Variants in VPS13B observed in about 807,000 individuals in gnomAD.
The protein encoded by VPS13B is intermembrane lipid transfer protein VPS13B.
Under a neutral mutation model 426.4 loss-of-function variants are expected in VPS13B, and 285 were observed. The ratio of observed to expected loss-of-function variants is 0.67; its 90% CI spans 0.61 to 0.74. The LOEUF is 0.74. Among genes scored for constraint, VPS13B ranks in the 30% least tolerant of loss-of-function variants. VPS13B has a pLI of 0.00. For synonymous variants in VPS13B, 1,676 were observed against 1,676.4 expected (o/e 1.00, Z 0.01); for missense variants, 4,537 against 4,782.6 (o/e 0.95, Z 1.51).
In VPS13B at chr8:99,388,442, C is replaced by T. The variant is rs9642959; in HGVS notation, c.2935-3115C>T. Among the ~76,000 whole-genome samples the T allele has an allele frequency of 7.2e-5, 11 of 151,736 alleles. No individual in the cohort carries two copies. The East Asian group carries it at 1.4e-3, about 19-fold the overall frequency. On this transcript the variant is annotated intron_variant, in intron 20 of 61. Transcript: ENST00000357162. ...ATTAATAATTAGTGAAAGATGGTTA[C>T]GTTTTATAGGATGCAGCTATGAAAA...
intron 5 of VPS13B, among the ~76,000 whole-genome samples, chr8:99,104,090 T>C (rs914107408): frequency 6.6e-6 from 1 of 152,206 alleles, no homozygotes; most frequent in African/African-American, 2.4e-5. Flanking sequence ...GCAAACATCA[T>C]AGAGTGTACT....
intron 33 of VPS13B, among the ~76,000 whole-genome samples, chr8:99,611,379 A>G (rs1311762437): frequency 6.6e-6 from 1 of 152,184 alleles, no homozygotes; most frequent in Admixed American, 6.6e-5. Flanking sequence ...ACATATTTAT[A>G]CTTTTGTACT....
At chr8:99,211,920 T>C (rs1815109283) in intron 17 of VPS13B, among the ~76,000 whole-genome samples, 1 of 151,808 alleles carries the variant, frequency 6.6e-6, no homozygotes, top group Non-Finnish European at 1.5e-5. Flanking sequence ...TGAGACAGAG[T>C]CTTACTCTGT....
chr8:99,096,455 A>C (rs1324332776), intron 4 of VPS13B, 23 bp downstream of exon 4: 12 of 1,613,524 alleles, frequency 7.4e-6, no homozygotes, highest in South Asian at 1.1e-5. Context: ...GGGATCAATA[A>C]AACCAAATTT....
intron 35 of VPS13B, chr8:99,696,986 G>C (rs746626514): frequency 3.3e-6 from 2 of 613,020 alleles, no homozygotes; most frequent in African/African-American, 3.7e-5. Context: ...TGCAGCCGGC[G>C]TGTGGGAAGT....
chr8:99,163,055 A>G (rs1180195483), intron 15 of VPS13B, among the ~76,000 whole-genome samples: 1 of 151,892 alleles, frequency 6.6e-6, no homozygotes, highest in Admixed American at 6.6e-5. Flanking sequence ...ACAGAGTGTC[A>G]ATTGGTGCAT....
chr8:99,101,425 C>A (rs779334859), intron 4 of VPS13B, among the ~76,000 whole-genome samples: 1 of 152,218 alleles, frequency 6.6e-6, no homozygotes, highest in Non-Finnish European at 1.5e-5. Flanking sequence ...AGCCACCGTG[C>A]TTGGCCCCAT....
rs1811873444 is a variant in VPS13B, at chr8:99,778,916, C to T, written c.7664C>T (p.Ser2555Phe). The stretch of plus-strand genomic sequence containing the variant: ...AGCATCTTCGGGCAGATGGCAGTTT[C>T]CAGCGATGTAGTGGAAAAGCTGCTT... The part of the protein sequence containing the change: ...PFSIFGQMAV[S>F]SDVVEKLLDC... The change falls in exon 42 of 62, where the codon TCC becomes TTC. Residue 2555 changes from serine to phenylalanine, a missense_variant. Around this residue, in one of 2 missense-constraint regions of VPS13B, gnomAD observed 4,311 missense variants for 4,474.3 expected, o/e 0.96. Coordinates refer to ENST00000357162, the MANE Select transcript of VPS13B (RefSeq NM_152564.5). The T allele has an allele frequency of 6.2e-7, 1 of 1,613,828 alleles. No homozygotes were observed. The highest frequency in any genetic ancestry group is 1.3e-5 in the African/African-American group (1 of 74,906).
At chr8:99,311,803 C>G (rs530464120) in intron 19 of VPS13B, among the ~76,000 whole-genome samples, 10 of 152,114 alleles carry the variant, frequency 6.6e-5, no homozygotes, top group Non-Finnish European at 1.3e-4. Context: ...GTGTGGGAGT[C>G]TAAGTCTCTT....
intron 29 of VPS13B, among the ~76,000 whole-genome samples, chr8:99,513,279 T>C (rs993243008): frequency 6.6e-6 from 1 of 152,124 alleles, no homozygotes; most frequent in African/African-American, 2.4e-5. Context: ...GAATATTTCC[T>C]GAAGTGTTTG....
chr8:99,823,895 A>C lies in VPS13B; in HGVS notation c.9247A>C (p.Lys3083Gln). ...TATACAAATTATTCAGATTGAAGAC[A>C]AGACTACAATAATCAATAATACACC... ...QGIQIIQIED[K>Q]TTIINNTPYQ... Residue 3083 changes from lysine to glutamine, a missense_variant, in exon 51 of 62, where the codon AAG becomes CAG. By Grantham distance (53) the Lys-to-Gln change is moderately conservative. Coordinates refer to ENST00000357162, the MANE Select transcript of VPS13B (RefSeq NM_152564.5). 6.2e-7 allele frequency: 1 copy of C among 1,613,418 alleles called. No individual in the cohort carries two copies. Among genetic ancestry groups the C allele is most frequent in the Admixed American group, 1.7e-5 (1 of 60,014 alleles).
At chr8:99,429,022 A>T (rs934192284) in intron 21 of VPS13B, among the ~76,000 whole-genome samples, 3 of 152,102 alleles carry the variant, frequency 2.0e-5, no homozygotes, top group Admixed American at 6.6e-5. Context: ...CAGCAAACTA[A>T]CGCAAGGACA....
intron 19 of VPS13B, among the ~76,000 whole-genome samples, chr8:99,356,572 A>G (rs1812194109): frequency 6.6e-6 from 1 of 152,158 alleles, no homozygotes; most frequent in African/African-American, 2.4e-5. Flanking sequence ...TCTTGAGCCC[A>G]GGAGATCAAG....
At chr8:99,214,210 A>G (rs1191395880) in intron 17 of VPS13B, among the ~76,000 whole-genome samples, 1 of 152,066 alleles carries the variant, frequency 6.6e-6, no homozygotes, top group Non-Finnish European at 1.5e-5. Context: ...TTGGAACACA[A>G]TCATGCTCAC....
chr8:99,481,167 A>G (rs1433632883), intron 24 of VPS13B, among the ~76,000 whole-genome samples: 1 of 152,224 alleles, frequency 6.6e-6, no homozygotes, highest in East Asian at 1.9e-4. Context: ...TTTGTGGGAC[A>G]AGAAATCCAG....
chr8:99,797,723 A>C (rs552585829), intron 43 of VPS13B, among the ~76,000 whole-genome samples: 1 of 152,186 alleles, frequency 6.6e-6, no homozygotes, highest in African/African-American at 2.4e-5. Context: ...ATATACTTCA[A>C]ATTGGCCACA....
chr8:99,026,934 C>T (rs1271768083), intron 2 of VPS13B, among the ~76,000 whole-genome samples: 4 of 151,980 alleles, frequency 2.6e-5, no homozygotes, highest in African/African-American at 4.8e-5. Flanking sequence ...TGGAGTGCAG[C>T]GGTGCAATCT....
intron 19 of VPS13B, among the ~76,000 whole-genome samples, chr8:99,322,009 CA>C (rs1282369282): frequency 1.3e-5 from 2 of 152,202 alleles, no homozygotes; most frequent in African/African-American, 4.8e-5. Flanking sequence ...GGAAGCCAAA[CA>C]AGCTGCTATT....
At chr8:99,349,056 G>A (rs993757237) in intron 19 of VPS13B, among the ~76,000 whole-genome samples, 10 of 151,678 alleles carry the variant, frequency 6.6e-5, no homozygotes, top group African/African-American at 2.2e-4. Context: ...AATAGCGGCC[G>A]GGCGCGGTGG....
Sources: gnomAD v4.1 joint callset for allele counts (sites outside exome capture counted in the v4.1 genomes callset) on GRCh38, gnomAD v4.1.1 for gene constraint, gnomAD v4.1.1 regional missense constraint, MANE v1.5 for transcripts, NCBI Gene and HGNC (gene_info 2026-07-23, HGNC 2026-07-21) for gene names.